Variants in RNF121 observed in about 807,000 individuals in gnomAD.
RNF121 encodes the protein E3 ubiquitin ligase RNF121.
Under a neutral mutation model 46.5 loss-of-function variants are expected in RNF121, and 21 were observed. That is an observed-to-expected ratio of 0.45 (90% CI 0.32 to 0.65). The LOEUF (loss-of-function observed/expected upper bound fraction) is 0.65, where lower values mean the gene tolerates loss of function less well. RNF121 is among the 30% of genes least tolerant of loss of function. RNF121 has a pLI of 0.04. For synonymous variants in RNF121, 139 were observed against 144.7 expected (o/e 0.96, Z 0.28); for missense variants, 346 against 416.0 (o/e 0.83, Z 1.46).
chr11:71,944,494 T>A (rs1042594464), intron 1 of RNF121, among the ~76,000 whole-genome samples: 1 of 152,222 alleles, frequency 6.6e-6, no homozygotes, highest in African/African-American at 2.4e-5. Flanking sequence ...ATGCACATAA[T>A]TTCTGGTGTA....
At chr11:71,990,421 G>A (rs144782808) in intron 5 of RNF121, among the ~76,000 whole-genome samples, 176 bp from the exon 6 acceptor site, 1 of 152,338 alleles carries the variant, frequency 6.6e-6, no homozygotes, top group East Asian at 1.9e-4. Context: ...TCCTCAAGAG[G>A]TGTTCATGGG....
At chr11:71,957,995 C>T (rs1954032421) in intron 2 of RNF121, among the ~76,000 whole-genome samples, 2 of 152,192 alleles carry the variant, frequency 1.3e-5, no homozygotes, top group Non-Finnish European at 2.9e-5. Context: ...TACCTGTTCA[C>T]ATGACAAACC....
chr11:71,943,305 C>G (rs1394451219), intron 1 of RNF121, among the ~76,000 whole-genome samples: 1 of 152,096 alleles, frequency 6.6e-6, no homozygotes, highest in Non-Finnish European at 1.5e-5. Flanking sequence ...ATGGCATCAC[C>G]ATGGTACCAT....
chr11:71,942,272 T>C (rs952349742), intron 1 of RNF121, among the ~76,000 whole-genome samples: 2 of 151,980 alleles, frequency 1.3e-5, no homozygotes, highest in Non-Finnish European at 2.9e-5. Flanking sequence ...GGGAGTGATG[T>C]GAGCTGATTT....
At chr11:71,935,846 C>CTTTTTTTTTTT (rs994241423) in intron 1 of RNF121, among the ~76,000 whole-genome samples, 1 of 114,724 alleles carries the variant, frequency 8.7e-6, no homozygotes, top group Non-Finnish European at 1.8e-5. Context: ...TATTCTTTTT[C>CTTTTTTTTTTT]TTTTTTTTTT....
At chr11:71,932,256 C>T (rs555132669) in intron 1 of RNF121, among the ~76,000 whole-genome samples, 1 of 152,350 alleles carries the variant, frequency 6.6e-6, no homozygotes, top group South Asian at 2.1e-4. Flanking sequence ...CCTGCATCAT[C>T]TCATTTATTA....
chr11:71,995,700 G>A (rs78736687), intron 8 of RNF121, 149 bp downstream of exon 8: 22,718 of 652,282 alleles, frequency 0.035, 443 homozygotes, highest in East Asian at 0.064. Flanking sequence ...TGCTAGTCCT[G>A]CCCCCATGAT....
chr11:71,955,778 G>A (rs1281363971), intron 1 of RNF121, among the ~76,000 whole-genome samples: 1 of 152,194 alleles, frequency 6.6e-6, no homozygotes, highest in Non-Finnish European at 1.5e-5. Context: ...ATTTAGAAAT[G>A]TGATTCATAA....
chr11:71,971,443 G>A (rs572184295), intron 3 of RNF121, among the ~76,000 whole-genome samples: 4 of 152,188 alleles, frequency 2.6e-5, no homozygotes, highest in Admixed American at 1.3e-4. Flanking sequence ...AGAAAGATTC[G>A]ATAAATTTGA....
intron 3 of RNF121, among the ~76,000 whole-genome samples, chr11:71,972,897 G>A (rs911394999): frequency 3.3e-5 from 5 of 152,004 alleles, no homozygotes; most frequent in Non-Finnish European, 5.9e-5. Flanking sequence ...GAGAAACATA[G>A]GCTGGGCGGC....
At chr11:71,973,868 AAAG>A (rs1954472186) in intron 3 of RNF121, among the ~76,000 whole-genome samples, 1 of 152,224 alleles carries the variant, frequency 6.6e-6, no homozygotes, top group South Asian at 2.1e-4. Flanking sequence ...AATAAATTTA[AAAG>A]AAGAAATATA....
chr11:71,978,861 C>T (rs565714661), intron 3 of RNF121, among the ~76,000 whole-genome samples: 1 of 152,250 alleles, frequency 6.6e-6, no homozygotes, highest in East Asian at 1.9e-4. Flanking sequence ...CCTAAGTTAA[C>T]GCAGTAATTA....
At chr11:71,974,572 G>A (rs561168515) in intron 3 of RNF121, among the ~76,000 whole-genome samples, 4 of 152,294 alleles carry the variant, frequency 2.6e-5, no homozygotes, top group Admixed American at 6.5e-5. Flanking sequence ...CCATTAAATT[G>A]GAGAGTTGGA....
intron 3 of RNF121, among the ~76,000 whole-genome samples, chr11:71,968,920 G>T (rs1161229763): frequency 1.5e-5 from 2 of 129,810 alleles, no homozygotes; most frequent in East Asian, 4.3e-4. Context: ...GGCTCTTGCT[G>T]TGTTGCCCAG....
intron 1 of RNF121, among the ~76,000 whole-genome samples, chr11:71,933,748 G>A (rs1223474199): frequency 6.6e-6 from 1 of 152,204 alleles, no homozygotes; most frequent in Non-Finnish European, 1.5e-5. Flanking sequence ...GAGTCCAAGT[G>A]TATCTTGCTC....
At chr11:71,971,584 A>G (rs752995345) in intron 3 of RNF121, among the ~76,000 whole-genome samples, 1 of 151,884 alleles carries the variant, frequency 6.6e-6, no homozygotes, top group Non-Finnish European at 1.5e-5. Context: ...ACTCCTACAA[A>G]TCAACAAAAG....
chr11:71,972,481 G>T (rs989430323), intron 3 of RNF121, among the ~76,000 whole-genome samples: 2 of 152,086 alleles, frequency 1.3e-5, no homozygotes, highest in African/African-American at 4.8e-5. Context: ...TGGTGGCGCA[G>T]CCTTTTAGTG....
At position 71,934,938 on chromosome 11, in the gene RNF121, A is replaced by ACTTT. The variant is rs780793577; in HGVS notation, c.63+5814_63+5815insCTTT. On this transcript the variant is annotated intron_variant, in intron 1 of 8. Coordinates refer to ENST00000361756, the MANE Select transcript of RNF121 (RefSeq NM_018320.5). The stretch of plus-strand genomic sequence containing the variant: ...GTCCTGTGCCAAGTGTTCCAAATGC[A>ACTTT]TTCTTTTTTTTTTTTTTTTTTTTTA... 1.4e-5 allele frequency among the ~76,000 whole-genome samples: 2 copies of ACTTT among 145,096 alleles called. 1 individual carries two copies.
In RNF121 at chr11:71,977,228, C is replaced by T. The variant is rs537674470; in HGVS notation, c.244-5533C>T. ...TGGGAGGGTGATCCCTAGCTTACAA[C>T]ATGAGGGGATGCAGAGGTGGTAAGA... On this transcript the variant is annotated intron_variant, in intron 3 of 8. Coordinates refer to ENST00000361756, the MANE Select transcript of RNF121 (RefSeq NM_018320.5). Among the ~76,000 whole-genome samples the T allele has an allele frequency of 5.9e-5, 9 of 152,296 alleles. No individual in the cohort carries two copies. The East Asian group carries it at 1.7e-3, about 29-fold the overall frequency.
Sources: gnomAD v4.1 joint callset for allele counts (sites outside exome capture counted in the v4.1 genomes callset) on GRCh38, gnomAD v4.1.1 for gene constraint, MANE v1.5 for transcripts, NCBI Gene and HGNC (gene_info 2026-07-23, HGNC 2026-07-21) for gene names.